Variants in SFMBT2 observed in about 807,000 individuals in gnomAD.
SFMBT2 encodes the protein Scm like with four mbt domains 2, also known as scm-like with four MBT domains protein 2.
A neutral mutation model predicts 110.1 loss-of-function variants in SFMBT2; 38 were observed. The ratio of observed to expected loss-of-function variants is 0.35; its 90% confidence interval spans 0.27 to 0.45. The LOEUF is 0.45. Ranked by LOEUF, SFMBT2 falls within the 20% of genes least tolerant of loss-of-function variation. SFMBT2 has a pLI of 1.00. For missense variants in SFMBT2, 1,011 were observed against 1,094.9 expected, an observed-to-expected ratio of 0.92 and a Z score of 1.08; for synonymous variants, 425 against 425.4, an observed-to-expected ratio of 1.00 and a Z score of 0.01.
rs1399871124 is a variant in SFMBT2 at position 7,293,791 on chromosome 10, A to G, written c.437-7837T>C. On this transcript the variant is annotated intron_variant, in intron 4 of 20. Transcript: ENST00000397167. This position sits in a 1 kb window ranked among gnomAD's most constrained non-coding sequence, Gnocchi z 4.6. ...GACACAGAGCTCTGCTTCCCAAGAT[A>G]TGTTAGGAACCCAGGGTCTTTCAAT... 6.6e-6 allele frequency among the ~76,000 whole-genome samples: 1 copy of G among 152,054 alleles called. No individual in the cohort carries two copies. Among genetic ancestry groups the G allele is most frequent in the African/African-American group, 2.4e-5 (1 of 41,400 alleles).
chr10:7,410,836 G>C, intron 1 of SFMBT2, among the ~76,000 whole-genome samples, 25 bp downstream of exon 1: 1 of 151,498 alleles, frequency 6.6e-6, no homozygotes, highest in Non-Finnish European at 1.5e-5. Context: ...GGGCGCCGGG[G>C]ACAGCAGCCG....
At chr10:7,332,713 C>G (rs1843600713) in intron 4 of SFMBT2, among the ~76,000 whole-genome samples, 3 of 152,098 alleles carry the variant, frequency 2.0e-5, no homozygotes, top group South Asian at 4.1e-4. Context: ...ATGTCCATGA[C>G]AGAATTGCAA....
chr10:7,324,045 T>A (rs1177885707), intron 4 of SFMBT2, among the ~76,000 whole-genome samples: 5 of 152,210 alleles, frequency 3.3e-5, no homozygotes. Context: ...ATAAAGCAGT[T>A]TAGTGAATAT....
intron 5 of SFMBT2, chr10:7,284,405 T>C: frequency 4.1e-6 from 5 of 1,211,484 alleles, no homozygotes; most frequent in Non-Finnish European, 5.1e-6. Flanking sequence ...CAGTTTGTGC[T>C]AAGTTCTCAC....
intron 7 of SFMBT2, among the ~76,000 whole-genome samples, chr10:7,264,937 GAAAAAAA>G (rs35999336): frequency 1.1e-5 from 1 of 95,230 alleles, no homozygotes; most frequent in African/African-American, 3.3e-5. Flanking sequence ...TAAAAAAGAG[GAAAAAAA>G]AAAAAAAAAA....
At position 7,172,116 on chromosome 10, in the gene SFMBT2, C is replaced by T. The variant is rs780341005; in HGVS notation, c.2194G>A (p.Ala732Thr). 16 of 1,587,216 alleles carry T rather than the reference C, an allele frequency of 1.0e-5. No individual in the cohort carries two copies. Among genetic ancestry groups the T allele is most frequent in the African/African-American group, 1.4e-5 (1 of 73,754 alleles). The change falls in exon 19 of 21, where the codon GCC becomes ACC. Residue 732 changes from alanine (A) to threonine (T), a missense_variant. Ala to Thr is a moderately conservative substitution (Grantham distance 58). This residue lies in a region of SFMBT2 where 979 missense variants were observed against 1,016.1 expected (regional missense o/e 0.96). Transcript: ENST00000397167. This position sits in a 1 kb window ranked among gnomAD's most constrained non-coding sequence, Gnocchi z 4.6. Reference sequence around the variant, plus strand: ...AGCTCGGAGCCGGTCTCCTCACTGGCGGTGTCATCGTCCATGGCGTCAGCG... The same window carrying T: ...AGCTCGGAGCCGGTCTCCTCACTGGTGGTGTCATCGTCCATGGCGTCAGCG... Reference protein sequence around the residue: ...EDADAMDDDTASEETGSELRD... With the variant: ...EDADAMDDDTTSEETGSELRD...
At chr10:7,335,582 A>C (rs868288140) in intron 4 of SFMBT2, among the ~76,000 whole-genome samples, 13 of 142,992 alleles carry the variant, frequency 9.1e-5, no homozygotes, top group South Asian at 2.3e-4. Flanking sequence ...CAGAAACAGA[A>C]ACACACACAC....
At chr10:7,366,720 T>G (rs141293805) in intron 4 of SFMBT2, among the ~76,000 whole-genome samples, 2,674 of 152,326 alleles carry the variant, frequency 0.018, 41 homozygotes, top group Non-Finnish European at 0.027. Flanking sequence ...GGGGATCAGA[T>G]GAATTCCTTC....
chr10:7,212,246 T>A (rs952183808), intron 11 of SFMBT2, among the ~76,000 whole-genome samples: 2 of 152,208 alleles, frequency 1.3e-5, no homozygotes, highest in African/African-American at 2.4e-5. Context: ...GTATAAAAGA[T>A]CTCACTGTCC....
chr10:7,284,284 C>G (rs1453051768), intron 5 of SFMBT2, 134 bp from the exon 6 acceptor site: 2 of 1,468,716 alleles, frequency 1.4e-6, no homozygotes, highest in Admixed American at 2.5e-5. Context: ...GTTCCCTCCA[C>G]CCCATCCTTG....
At chr10:7,257,426 C>A (rs1022550074) in intron 7 of SFMBT2, among the ~76,000 whole-genome samples, 2 of 152,166 alleles carry the variant, frequency 1.3e-5, no homozygotes, top group East Asian at 3.9e-4. Flanking sequence ...AGTGAACCAT[C>A]GCTGCGGGAG....
Position 7,172,364 on chromosome 10 carries a change from G to A in SFMBT2, c.2151+131C>T, listed in dbSNP as rs1418098368. 41 of 1,510,694 alleles carry A rather than the reference G, an allele frequency of 2.7e-5. No homozygotes were observed. Among genetic ancestry groups the A allele is most frequent in the Non-Finnish European group, 3.6e-5 (41 of 1,132,206 alleles). 93.6% of individuals were successfully genotyped at this position (1,510,694 alleles called of 1,614,324 possible). ...TGTTTTCAGCAAGTAAGGAGGAGGG[G>A]GCTCTTCTTCAGTGTTTCTGACCAT... On this transcript the variant is annotated intron_variant, in intron 18 of 20. Coordinates refer to ENST00000397167, the MANE Select transcript of SFMBT2 (RefSeq NM_001387889.1). The surrounding 1 kb of genome is among the most constrained non-coding windows in gnomAD (Gnocchi z 4.6).
intron 7 of SFMBT2, among the ~76,000 whole-genome samples, chr10:7,253,986 C>T (rs894709846): frequency 6.6e-6 from 1 of 152,120 alleles, no homozygotes; most frequent in African/African-American, 2.4e-5. Flanking sequence ...TGATGAATGA[C>T]GATTTCAGAA....
chr10:7,173,729 C>T (rs1837961725), intron 17 of SFMBT2, among the ~76,000 whole-genome samples: 1 of 152,132 alleles, frequency 6.6e-6, no homozygotes, highest in African/African-American at 2.4e-5. Context: ...TTCAACCGTC[C>T]CACTATGTGA....
chr10:7,386,978 G>A (rs990491384), intron 1 of SFMBT2, among the ~76,000 whole-genome samples: 3 of 152,100 alleles, frequency 2.0e-5, no homozygotes, highest in African/African-American at 7.2e-5. Context: ...CAGAAACCAC[G>A]CCCTAACCAG....
Position 7,375,751 on chromosome 10 carries a change from CCACACACACACACACA to C in SFMBT2, c.101-5392_101-5377del, listed in dbSNP as rs35306837. Among the ~76,000 whole-genome samples the C allele has an allele frequency of 6.4e-3, 798 of 124,770 alleles. 12 individuals carry two copies. Among genetic ancestry groups the C allele is most frequent in the African/African-American group, 0.022 (730 of 33,026 alleles). The allele number at this position is 124,770 out of a possible 152,430, so 81.9% of individuals were successfully genotyped here. A position where few individuals can be genotyped will look rare whatever the true frequency, so the allele number is the denominator to read the frequency against. On this transcript the variant is annotated intron_variant, in intron 2 of 20. Coordinates refer to ENST00000397167, the MANE Select transcript of SFMBT2 (RefSeq NM_001387889.1). Reference sequence around the variant, plus strand: ...AGTTACTCTAGGAGAAAAGAAAAAACCACACACACACACACACACACACACACACACACACACACAC... The same window carrying C: ...AGTTACTCTAGGAGAAAAGAAAAAACCACACACACACACACACACACACAC...
chr10:7,366,177 G>A (rs531387663), intron 4 of SFMBT2, among the ~76,000 whole-genome samples: 3 of 152,218 alleles, frequency 2.0e-5, no homozygotes, highest in Admixed American at 1.3e-4. Context: ...GCATAGGAAA[G>A]AGCGGGTGCA....
rs182665811 is a variant in SFMBT2 at position 7,299,765 on chromosome 10, T to C, written c.437-13811A>G. Among the ~76,000 whole-genome samples, 5 of 152,312 alleles carry C rather than the reference T, an allele frequency of 3.3e-5. 1 individual carries two copies. The highest frequency in any genetic ancestry group is 3.3e-4 in the Admixed American group (5 of 15,298). ...AAACATATGTGTGCATGTGTCTTTATAGTAGAATGATTTATATACCCAAAG... is the reference window on the plus strand; with the variant it reads ...AAACATATGTGTGCATGTGTCTTTACAGTAGAATGATTTATATACCCAAAG... On this transcript the variant is annotated intron_variant, in intron 4 of 20. Transcript: ENST00000397167.
At chr10:7,215,972 T>G (rs1045844830) in intron 11 of SFMBT2, among the ~76,000 whole-genome samples, 2 of 152,208 alleles carry the variant, frequency 1.3e-5, no homozygotes, top group African/African-American at 4.8e-5. Flanking sequence ...CCTGAGAATT[T>G]CCTCTTCATT....
Sources: gnomAD v4.1 joint callset for allele counts (sites outside exome capture counted in the v4.1 genomes callset) on GRCh38, gnomAD v4.1.1 for gene constraint, gnomAD v4.1.1 regional missense constraint, Gnocchi (gnomAD v3.1) non-coding constraint, MANE v1.5 for transcripts, NCBI Gene and HGNC (gene_info 2026-07-23, HGNC 2026-07-21) for gene names.